CRAMP1: variants seen among roughly 807,000 people sequenced by gnomAD.
CRAMP1 encodes cramped chromatin regulator 1, also known as protein cramped-like.
Under a neutral mutation model 115.4 loss-of-function variants are expected in CRAMP1, and 50 were observed. The ratio of observed to expected loss-of-function variants is 0.43; its 90% CI spans 0.35 to 0.55. The LOEUF (loss-of-function observed/expected upper bound fraction) is 0.55, where lower values mean the gene tolerates loss of function less well. Among genes scored for constraint, CRAMP1 ranks in the 20% least tolerant of loss-of-function variants. The pLI is 0.01. For synonymous variants in CRAMP1, 866 were observed against 745.4 expected, an observed-to-expected ratio of 1.16 and a Z score of -2.64; for missense variants, 1,679 against 1,721.7, an observed-to-expected ratio of 0.98 and a Z score of 0.44.
chr16:1,635,640 C>G (rs1427496261), intron 4 of CRAMP1, among the ~76,000 whole-genome samples: 5 of 152,094 alleles, frequency 3.3e-5, no homozygotes, highest in Admixed American at 3.3e-4. Flanking sequence ...GGGTTTTTTT[C>G]TTTTTGCCAT....
rs1447279509 is a variant in CRAMP1, at chr16:1,662,848, T to G, written c.2670+13T>G. On this transcript the variant is annotated intron_variant, in intron 13 of 20. Transcript: ENST00000397412. ...ACTGGTGGTCCAGGTCAGGGTCTTC[T>G]CAAGTCTGAACGTGTGGCCTCGTGG... is the stretch of plus-strand genomic sequence containing the variant. The G allele has an allele frequency of 3.1e-6, 5 of 1,611,764 alleles. No individual in the cohort carries two copies. Among genetic ancestry groups the G allele is most frequent in the Non-Finnish European group, 4.2e-6 (5 of 1,178,490 alleles).
chr16:1,628,725 T>C lies in CRAMP1; in HGVS notation c.540+2559T>C, dbSNP rs564808156. Among the ~76,000 whole-genome samples the C allele has an allele frequency of 1.1e-3, 172 of 152,322 alleles. 3 individuals are homozygous for C. The highest frequency in any genetic ancestry group is 3.9e-4 in the Admixed American group (6 of 15,310). On this transcript the variant is annotated intron_variant, in intron 3 of 20. Coordinates refer to ENST00000397412, the MANE Select transcript of CRAMP1 (RefSeq NM_020825.4). ...TCTGAGAAGTGCGGCTTCTGCCATG[T>C]TGTCATGGCCACCGCTGCCTTTTTG...
rs1287619877 is a variant in CRAMP1 at position 1,655,872 on chromosome 16, C to T, written c.1120-5C>T. 1.2e-6 allele frequency: 2 copies of T among 1,601,122 alleles called. No homozygotes were observed. The highest frequency in any genetic ancestry group is 2.2e-5 in the South Asian group (2 of 89,684). Reference sequence around the variant, plus strand: ...CAGTGTGGGCCTTCCTTGACGGGCACTCAGCGGAAGACACTCGAGGAGCGG... The same window carrying T: ...CAGTGTGGGCCTTCCTTGACGGGCATTCAGCGGAAGACACTCGAGGAGCGG... On this transcript the variant is annotated splice_region_variant and splice_polypyrimidine_tract_variant and intron_variant, in intron 9 of 20. Transcript: ENST00000397412.
At chr16:1,621,245 C>T (rs1052413531) in intron 2 of CRAMP1, among the ~76,000 whole-genome samples, 2 of 152,106 alleles carry the variant, frequency 1.3e-5, no homozygotes, top group Non-Finnish European at 1.5e-5. Flanking sequence ...GGGAAGAGGA[C>T]GTGTTGCAAA....
At chr16:1,630,352 A>G (rs1235147320) in intron 3 of CRAMP1, among the ~76,000 whole-genome samples, 6 of 151,812 alleles carry the variant, frequency 4.0e-5, no homozygotes, top group Non-Finnish European at 8.8e-5. Context: ...GGGTTTCACT[A>G]TGTTGCTCAA....
chr16:1,651,889 T>C (rs368674446), intron 6 of CRAMP1, among the ~76,000 whole-genome samples: 1 of 146,018 alleles, frequency 6.8e-6, no homozygotes, highest in South Asian at 2.2e-4. Flanking sequence ...TAGAGATGGA[T>C]TGAGGTCACA....
At chr16:1,637,708 C>T in intron 4 of CRAMP1, 116 bp from the exon 5 acceptor site, 2 of 451,958 alleles carry the variant, frequency 4.4e-6, no homozygotes, top group Non-Finnish European at 8.0e-6. Context: ...GCTTGCATGA[C>T]AAAGGTACAG....
intron 10 of CRAMP1, among the ~76,000 whole-genome samples, chr16:1,659,457 C>T (rs1338017641): frequency 6.6e-6 from 1 of 151,806 alleles, no homozygotes; most frequent in Non-Finnish European, 1.5e-5. Context: ...GTGGTGCGAT[C>T]TCGGCCCACT....
rs1453686182 is a variant in CRAMP1 at position 1,614,380 on chromosome 16, C to T, written c.-1-259C>T. The stretch of plus-strand genomic sequence containing the variant: ...CTGTCGCGCCCTCCCGCCGCCGGCC[C>T]GGGCGTCTGGACGCGAGCCTCGGCC... On this transcript the variant is annotated intron_variant, in intron 1 of 20. Transcript: ENST00000397412. The surrounding 1 kb of genome is among the most constrained non-coding windows in gnomAD (Gnocchi z 4.4). Among the ~76,000 whole-genome samples, 1 of 138,402 alleles carries T rather than the reference C, an allele frequency of 7.2e-6. No homozygotes were observed. Among genetic ancestry groups the T allele is most frequent in the Non-Finnish European group, 1.6e-5 (1 of 63,968 alleles). 90.8% of individuals were successfully genotyped at this position (138,402 alleles called of 152,430 possible).
Position 1,666,973 on chromosome 16 carries a change from C to T in CRAMP1, c.3037-362C>T, listed in dbSNP as rs2036881722. Reference sequence around the variant, plus strand: ...TATGGCCTTGGCCATTGCTCCTTTCCAAGGCTCTGAGCACCTGGTTTCTCT... The same window carrying T: ...TATGGCCTTGGCCATTGCTCCTTTCTAAGGCTCTGAGCACCTGGTTTCTCT... On this transcript the variant is annotated intron_variant, in intron 16 of 20. Coordinates refer to ENST00000397412, the MANE Select transcript of CRAMP1 (RefSeq NM_020825.4). This position sits in a 1 kb window ranked among gnomAD's most constrained non-coding sequence, Gnocchi z 5.0. 1.3e-5 allele frequency among the ~76,000 whole-genome samples: 2 copies of T among 152,220 alleles called. No individual in the cohort carries two copies. Among genetic ancestry groups the T allele is most frequent in the Admixed American group, 1.3e-4 (2 of 15,294 alleles).
At chr16:1,635,619 T>A (rs1455848404) in intron 4 of CRAMP1, among the ~76,000 whole-genome samples, 1 of 152,226 alleles carries the variant, frequency 6.6e-6, no homozygotes, top group Non-Finnish European at 1.5e-5. Context: ...ACTTTCTTGT[T>A]TCTGGGTTGT....
chr16:1,636,756 C>T (rs748729902), intron 4 of CRAMP1, among the ~76,000 whole-genome samples: 2 of 152,238 alleles, frequency 1.3e-5, no homozygotes, highest in Non-Finnish European at 1.5e-5. Context: ...TTCACTGTCT[C>T]GTGGCAGAGA....
At chr16:1,615,250 C>G (rs370440051) in intron 2 of CRAMP1, among the ~76,000 whole-genome samples, 1 of 152,188 alleles carries the variant, frequency 6.6e-6, no homozygotes, top group South Asian at 2.1e-4. Flanking sequence ...AAGCTGTTTC[C>G]TTTCCAAAGG....
In CRAMP1 at chr16:1,614,362, G is replaced by T. The variant is rs901162543; in HGVS notation, c.-1-277G>T. Among the ~76,000 whole-genome samples, 1 of 143,820 alleles carries T rather than the reference G, an allele frequency of 7.0e-6. No individual in the cohort carries two copies. Among genetic ancestry groups the T allele is most frequent in the Non-Finnish European group, 1.5e-5 (1 of 65,066 alleles). 94.4% of individuals were successfully genotyped at this position (143,820 alleles called of 152,430 possible). ...CGGGCAGGGTCCGCCGAGCTGTCGC[G>T]CCCTCCCGCCGCCGGCCCGGGCGTC... On this transcript the variant is annotated intron_variant, in intron 1 of 20. Transcript: ENST00000397412. This position sits in a 1 kb window ranked among gnomAD's most constrained non-coding sequence, Gnocchi z 4.4.
chr16:1,639,470 A>G (rs566507761), intron 5 of CRAMP1, among the ~76,000 whole-genome samples: 1 of 151,882 alleles, frequency 6.6e-6, no homozygotes, highest in African/African-American at 2.4e-5. Context: ...GCCAGCAATC[A>G]GAGACTGAAG....
chr16:1,652,753 C>G (rs1415902064), intron 7 of CRAMP1, among the ~76,000 whole-genome samples, 172 bp downstream of exon 7: 1 of 152,232 alleles, frequency 6.6e-6, no homozygotes, highest in Non-Finnish European at 1.5e-5. Flanking sequence ...TACGACCACT[C>G]AGTCAAGTTG....
At chr16:1,624,194 C>T (rs1479827077) in intron 2 of CRAMP1, among the ~76,000 whole-genome samples, 1 of 151,562 alleles carries the variant, frequency 6.6e-6, no homozygotes, top group Admixed American at 6.6e-5. Context: ...ACTCTGTTGC[C>T]CAGACTGGTG....
At chr16:1,660,864 C>T (rs2036822933) in intron 11 of CRAMP1, among the ~76,000 whole-genome samples, 1 of 152,116 alleles carries the variant, frequency 6.6e-6, no homozygotes, top group African/African-American at 2.4e-5. Flanking sequence ...AAAAACTAGT[C>T]TGACGTGGTG....
intron 4 of CRAMP1, among the ~76,000 whole-genome samples, chr16:1,636,185 A>C (rs1010077372): frequency 6.6e-6 from 1 of 152,128 alleles, no homozygotes; most frequent in Admixed American, 6.5e-5. Flanking sequence ...AGCCTGACTA[A>C]CGTGGTGAAA....
Sources: allele counts gnomAD v4.1 joint callset (sites outside exome capture counted in the v4.1 genomes callset), GRCh38; gene constraint gnomAD v4.1.1; non-coding constraint Gnocchi (gnomAD v3.1); transcripts MANE v1.5; gene names NCBI Gene and HGNC (gene_info 2026-07-23, HGNC 2026-07-21).